Variants in RBFOX1 observed in about 807,000 individuals in gnomAD.
The protein encoded by RBFOX1 is RNA binding fox-1 homolog 1, also known as RNA binding protein fox-1 homolog 1.
RBFOX1 carries 8 observed loss-of-function variants against 57.7 expected under a neutral mutation model. That is an observed-to-expected ratio of 0.14 (90% CI 0.08 to 0.25). The LOEUF (loss-of-function observed/expected upper bound fraction) is 0.25. RBFOX1 is among the 10% of genes least tolerant of loss of function. RBFOX1 has a pLI of 1.00. For missense variants in RBFOX1, 611 were observed against 548.5 expected (o/e 1.11, Z -1.14); for synonymous variants, 326 against 222.4 (o/e 1.47, Z -4.15).
At chr16:7,520,600 C>T (rs562450838) in intron 5 of RBFOX1, among the ~76,000 whole-genome samples, 1 of 152,284 alleles carries the variant, frequency 6.6e-6, no homozygotes, top group South Asian at 2.1e-4. Context: ...TTTGGGTTGT[C>T]TCCACATTCT....
intron 2 of RBFOX1, among the ~76,000 whole-genome samples, chr16:6,456,980 G>A (rs1026767884): frequency 6.6e-6 from 1 of 152,140 alleles, no homozygotes; most frequent in East Asian, 1.9e-4. Flanking sequence ...CTTAGGAGAA[G>A]ATAGATGTTA....
At chr16:6,834,149 C>A (rs920110608) in intron 3 of RBFOX1, among the ~76,000 whole-genome samples, 2 of 152,038 alleles carry the variant, frequency 1.3e-5, no homozygotes, top group Non-Finnish European at 2.9e-5. Context: ...ACTCGGCTCA[C>A]CACAACCTCC....
At chr16:5,270,620 A>C in intron 1 of RBFOX1, 1 of 587,050 alleles carries the variant, frequency 1.7e-6, no homozygotes, top group East Asian at 3.8e-5. Context: ...CAACAATCAG[A>C]TACTGAAGAC....
intron 3 of RBFOX1, among the ~76,000 whole-genome samples, chr16:6,667,814 A>C (rs2098742075): frequency 1.3e-5 from 2 of 152,052 alleles, no homozygotes; most frequent in Admixed American, 6.5e-5. Flanking sequence ...TCTGGAGCCC[A>C]GGAGTTCGAG....
chr16:7,083,568 C>G (rs761257256), intron 4 of RBFOX1, among the ~76,000 whole-genome samples: 1 of 152,152 alleles, frequency 6.6e-6, no homozygotes, highest in Non-Finnish European at 1.5e-5. Flanking sequence ...TGTTGGCTTT[C>G]TCAGAGCTTG....
chr16:6,772,677 A>G (rs115351004), intron 3 of RBFOX1, among the ~76,000 whole-genome samples: 1 of 130,950 alleles, frequency 7.6e-6, no homozygotes, highest in South Asian at 2.5e-4. Flanking sequence ...CTTTGAGTGC[A>G]TTTGTGTGTG....
At chr16:6,682,151 G>A (rs1019896293) in intron 3 of RBFOX1, among the ~76,000 whole-genome samples, 8 of 152,116 alleles carry the variant, frequency 5.3e-5, no homozygotes, top group African/African-American at 1.9e-4. Context: ...AATGTGTATT[G>A]TTTGCCTGTA....
intron 3 of RBFOX1, among the ~76,000 whole-genome samples, chr16:5,669,573 C>T (rs1445416818): frequency 6.6e-6 from 1 of 152,208 alleles, no homozygotes; most frequent in African/African-American, 2.4e-5. Flanking sequence ...GCATGCACCA[C>T]CATGGCTAGC....
At chr16:5,616,187 T>A (rs1253093864) in intron 3 of RBFOX1, 1 of 152,466 alleles carries the variant, frequency 6.6e-6, no homozygotes, top group East Asian at 1.9e-4. Context: ...TCCCCTGGGC[T>A]GGCTTAACGG....
At chr16:6,583,607 C>G (rs17226261) in intron 2 of RBFOX1, among the ~76,000 whole-genome samples, 49,298 of 152,150 alleles carry the variant, frequency 0.32, 9,758 homozygotes, top group Non-Finnish European at 0.43. Flanking sequence ...TCTATCCATT[C>G]TCTGTAACTC....
chr16:5,495,492 C>T (rs983843604), intron 2 of RBFOX1, among the ~76,000 whole-genome samples: 2 of 152,224 alleles, frequency 1.3e-5, no homozygotes, highest in African/African-American at 2.4e-5. Context: ...CACAGTTCAA[C>T]ATGAGATTTT....
chr16:6,272,708 C>T (rs571586016), intron 1 of RBFOX1, among the ~76,000 whole-genome samples: 5 of 152,124 alleles, frequency 3.3e-5, no homozygotes, highest in Admixed American at 2.0e-4. Context: ...TACAGTAATC[C>T]GGTGTGGCAA....
rs2096256262 is a variant in RBFOX1, at chr16:6,097,243, T to C, written c.-127+77251T>C. On this transcript the variant is annotated intron_variant, in intron 1 of 15. Coordinates refer to ENST00000550418, the MANE Select transcript of RBFOX1 (RefSeq NM_018723.4). This position sits in a 1 kb window ranked among gnomAD's most constrained non-coding sequence, Gnocchi z 5.0. ...TGTGGAACTGTGAGTCCATTAAACT[T>C]CTTTTTGTTTATAAATTACTCAGTC... 1.3e-5 allele frequency among the ~76,000 whole-genome samples: 2 copies of C among 152,302 alleles called. No homozygotes were observed. The highest frequency in any genetic ancestry group is 3.9e-4 in the East Asian group (2 of 5,180).
intron 2 of RBFOX1, among the ~76,000 whole-genome samples, chr16:5,541,423 A>C (rs144095571): frequency 8.3e-4 from 126 of 152,148 alleles, no homozygotes; most frequent in Non-Finnish European, 1.6e-3. Context: ...TATTTTAGGG[A>C]GACATGGGAC....
chr16:7,271,371 T>G (rs1028121440), intron 4 of RBFOX1, among the ~76,000 whole-genome samples: 1 of 151,738 alleles, frequency 6.6e-6, no homozygotes, highest in Non-Finnish European at 1.5e-5. Flanking sequence ...CGTATCAAAC[T>G]CTCCCCAATC....
chr16:7,363,945 G>A lies in RBFOX1; in HGVS notation c.28-154202G>A, dbSNP rs766247585. Among the ~76,000 whole-genome samples, 43 of 152,076 alleles carry A rather than the reference G, an allele frequency of 2.8e-4. 1 individual carries two copies. Among genetic ancestry groups the A allele is most frequent in the Non-Finnish European group, 2.9e-5 (2 of 68,018 alleles). ...TGGGAAGAGGCATATGGCCTTCCTG[G>A]TGTCTTATGGTGAGGAAAAGAGGAC... On this transcript the variant is annotated intron_variant, in intron 4 of 15. Coordinates refer to ENST00000550418, the MANE Select transcript of RBFOX1 (RefSeq NM_018723.4).
At chr16:6,495,261 G>A (rs1329857942) in intron 2 of RBFOX1, among the ~76,000 whole-genome samples, 1 of 152,124 alleles carries the variant, frequency 6.6e-6, no homozygotes, top group Non-Finnish European at 1.5e-5. Context: ...TGGGATTATA[G>A]GTGCCCGCCA....
At chr16:6,956,544 G>A (rs2081885849) in intron 3 of RBFOX1, among the ~76,000 whole-genome samples, 1 of 152,138 alleles carries the variant, frequency 6.6e-6, no homozygotes, top group South Asian at 2.1e-4. Context: ...AAACCTAAGG[G>A]CCAGTGGGGG....
At chr16:6,608,773 AAAAC>A (rs1182184728) in intron 2 of RBFOX1, among the ~76,000 whole-genome samples, 1 of 152,224 alleles carries the variant, frequency 6.6e-6, no homozygotes, top group Admixed American at 6.5e-5. Flanking sequence ...GCTTGTCTCA[AAAAC>A]AAACAAAAAC....
Sources: allele counts gnomAD v4.1 joint callset (sites outside exome capture counted in the v4.1 genomes callset), GRCh38; gene constraint gnomAD v4.1.1; non-coding constraint Gnocchi (gnomAD v3.1); transcripts MANE v1.5; gene names NCBI Gene and HGNC (gene_info 2026-07-23, HGNC 2026-07-21).